The following ZW10 variants were observed in gnomAD, a reference collection of about 807,000 sequenced individuals.
The protein encoded by ZW10 is centromere/kinetochore protein zw10 homolog.
Under a neutral mutation model 87.8 loss-of-function variants are expected in ZW10, and 53 were observed. The observed-to-expected ratio is 0.60, with a 90% CI of 0.48 to 0.76. The LOEUF (loss-of-function observed/expected upper bound fraction) is 0.76, where lower values mean the gene tolerates loss of function less well. Among genes scored for constraint, ZW10 ranks in the 30% least tolerant of loss-of-function variants. The pLI, the probability that ZW10 is intolerant of heterozygous loss-of-function variation, is 0.00. For missense variants in ZW10, 837 were observed against 923.0 expected (o/e 0.91, Z 1.21); for synonymous variants, 312 against 329.2 (o/e 0.95, Z 0.57).
intron 9 of ZW10, 126 bp from the exon 10 acceptor site, chr11:113,744,166 T>A (rs1176046375): frequency 1.4e-6 from 1 of 699,714 alleles, no homozygotes; most frequent in Admixed American, 2.7e-5. Context: ...GGCGGGCAGA[T>A]CACGAGGTCA....
intron 7 of ZW10, among the ~76,000 whole-genome samples, chr11:113,749,036 C>T (rs1488206615): frequency 6.6e-6 from 1 of 152,058 alleles, no homozygotes; most frequent in African/African-American, 2.4e-5. Context: ...AGTTCTGATT[C>T]ACAAAGGAAG....
chr11:113,773,472 C>T (rs1232987772), intron 1 of ZW10, 90 bp downstream of exon 1: 1 of 1,108,452 alleles, frequency 9.0e-7, no homozygotes, highest in Non-Finnish European at 1.3e-6. Flanking sequence ...CCCACTCTGT[C>T]TGCCCTTAGC....
At chr11:113,768,659 T>C (rs924034797) in intron 2 of ZW10, among the ~76,000 whole-genome samples, 174 bp downstream of exon 2, 3 of 152,198 alleles carry the variant, frequency 2.0e-5, no homozygotes, top group Non-Finnish European at 4.4e-5. Flanking sequence ...AATTGCACTT[T>C]TGGAAATACT....
chr11:113,748,297 G>C lies in ZW10; in HGVS notation c.1049C>G (p.Ser350Trp). ...TAATTTGCTGCTATTTGTTGGAATC[G>C]AATAAACCAAACAGTTTTTGATGAG... is the stretch of plus-strand genomic sequence containing the variant. ...ECLIKNCLVY[S>W]IPTNSSKLQQ... The change falls in exon 8 of 16, where the codon TCG becomes TGG. Residue 350 changes from serine (S) to tryptophan (W), a missense_variant. Ser to Trp is a radical substitution (Grantham distance 177). Transcript: ENST00000200135. 3 of 1,613,060 alleles carry C rather than the reference G, an allele frequency of 1.9e-6. No individual in the cohort carries two copies. Among genetic ancestry groups the C allele is most frequent in the Non-Finnish European group, 2.5e-6 (3 of 1,179,656 alleles).
At chr11:113,756,203 A>T (rs1359824695) in intron 7 of ZW10, among the ~76,000 whole-genome samples, 1 of 152,214 alleles carries the variant, frequency 6.6e-6, no homozygotes, top group East Asian at 1.9e-4. Flanking sequence ...AAATGCACAG[A>T]GAAAAAGCCA....
chr11:113,744,381 C>T (rs925541319), intron 9 of ZW10, among the ~76,000 whole-genome samples: 9 of 151,752 alleles, frequency 5.9e-5, no homozygotes, highest in Middle Eastern at 3.4e-3. Flanking sequence ...CCAGCCTGGG[C>T]GACAGAGCAC....
At chr11:113,738,081 T>G (rs1591408772) in intron 13 of ZW10, among the ~76,000 whole-genome samples, 183 bp downstream of exon 13, 1 of 150,486 alleles carries the variant, frequency 6.6e-6, no homozygotes, top group Non-Finnish European at 1.5e-5. Context: ...GTTGTCTTGG[T>G]GGGAGAGGGG....
intron 10 of ZW10, among the ~76,000 whole-genome samples, chr11:113,742,622 T>C (rs1953633263): frequency 6.6e-6 from 1 of 152,194 alleles, no homozygotes; most frequent in South Asian, 2.1e-4. Flanking sequence ...AGTATACAAA[T>C]ACTGTTTGGT....
chr11:113,759,471 G>A lies in ZW10; in HGVS notation c.580+738C>T, dbSNP rs190516419. Among the ~76,000 whole-genome samples, 7 of 152,230 alleles carry A rather than the reference G, an allele frequency of 4.6e-5. No individual in the cohort carries two copies. The South Asian group carries it at 1.5e-3, about 32-fold the overall frequency. On this transcript the variant is annotated intron_variant, in intron 5 of 15. Transcript: ENST00000200135. ...CAAAGTGGATATAGGAAAGGGAACA[G>A]GGGGAGAAAGTTTCTCTTGAAATAC...
chr11:113,758,268 C>A (rs17541654), intron 6 of ZW10, among the ~76,000 whole-genome samples: 9,102 of 151,624 alleles, frequency 0.06, 296 homozygotes, highest in Middle Eastern at 0.078. Flanking sequence ...ACATTACACA[C>A]CAACCATTAT....
intron 3 of ZW10, 71 bp from the exon 4 acceptor site, chr11:113,760,661 T>G (rs958116834): frequency 2.2e-6 from 3 of 1,337,536 alleles, no homozygotes; most frequent in African/African-American, 3.0e-5. Context: ...CATTAAGAAA[T>G]GCTCCCACTT....
intron 1 of ZW10, chr11:113,771,571 C>T (rs533355287): frequency 6.6e-5 from 10 of 152,282 alleles, no homozygotes; most frequent in African/African-American, 2.4e-4. Context: ...GAGAGAACAC[C>T]TGTTTAGTGT....
intron 7 of ZW10, 24 bp downstream of exon 7, chr11:113,757,638 A>G (rs1299279774): frequency 7.2e-7 from 1 of 1,386,148 alleles, no homozygotes; most frequent in East Asian, 2.6e-5. Context: ...CAAAATATAA[A>G]AGCACTGCCT....
chr11:113,768,858 A>T lies in ZW10; in HGVS notation c.215T>A (p.Leu72Gln). Residue 72 changes from leucine to glutamine, a missense_variant, in exon 2 of 16, where the codon CTG becomes CAG. Leu to Gln is a moderately radical substitution (Grantham distance 113, BLOSUM62 -2). Coordinates refer to ENST00000200135, the MANE Select transcript of ZW10 (RefSeq NM_004724.4). The part of the protein sequence containing the change: ...QVDKLSEDID[L>Q]LKSRIESEVR... ...CTCACTCTCTATCCTGGATTTCAGC[A>T]GGTCAATGTCTTCAGATAGCTTATC... The T allele has an allele frequency of 6.2e-7, 1 of 1,614,202 alleles. No homozygotes were observed. Among genetic ancestry groups the T allele is most frequent in the Non-Finnish European group, 8.5e-7 (1 of 1,180,032 alleles).
rs1282002732 is a variant in ZW10 at position 113,744,037 on chromosome 11, T to A, written c.1276A>T (p.Ile426Phe). ...GGCACATTTATCTTAGAATCAGGAA[T>A]AATCTAAGATTCAAACACAAAAATA... ...TSEIHNTVKI[I>F]PDSKINVPEL... is the part of the protein sequence containing the mutation. Residue 426 changes from isoleucine to phenylalanine, a missense_variant, in exon 10 of 16, where the codon ATT (isoleucine) becomes TTT (phenylalanine). Physicochemically the swap from Ile to Phe is conservative, Grantham distance 21. Transcript: ENST00000200135. 2 of 1,596,906 alleles carry A rather than the reference T, an allele frequency of 1.3e-6. No homozygotes were observed. Among genetic ancestry groups the A allele is most frequent in the Admixed American group, 1.7e-5 (1 of 59,734 alleles).
chr11:113,752,932 C>T (rs1169919861), intron 7 of ZW10, among the ~76,000 whole-genome samples: 1 of 152,168 alleles, frequency 6.6e-6, no homozygotes, highest in East Asian at 1.9e-4. Flanking sequence ...AGGCCTCTTG[C>T]ACCAGTTAGC....
At chr11:113,735,149 A>G (rs1953535445) in intron 15 of ZW10, among the ~76,000 whole-genome samples, 1 of 152,164 alleles carries the variant, frequency 6.6e-6, no homozygotes, top group African/African-American at 2.4e-5. Flanking sequence ...CTTCATATGT[A>G]TATTTTACAA....
At chr11:113,761,006 G>T in intron 2 of ZW10, 88 bp from the exon 3 acceptor site, 1 of 944,686 alleles carries the variant, frequency 1.1e-6, no homozygotes, top group Non-Finnish European at 1.6e-6. Flanking sequence ...GCTTTACTAG[G>T]TCAACATAAT....
In ZW10 at chr11:113,739,330, T is replaced by C. The variant is rs1184931378; in HGVS notation, c.1636A>G (p.Met546Val). Residue 546 changes from methionine to valine, a missense_variant, in exon 12 of 16, where the codon ATG becomes GTG. Physicochemically the swap from Met to Val is conservative, Grantham distance 21. Coordinates refer to ENST00000200135, the MANE Select transcript of ZW10 (RefSeq NM_004724.4). The stretch of plus-strand genomic sequence containing the variant: ...GTCAGCAAGTGGTGAGCAATGTACA[T>C]ACAGTTGTTGTGATGAATAGCAGCC... The part of the protein sequence containing the change: ...QLAAIHHNNC[M>V]YIAHHLLTLG... The C allele has an allele frequency of 4.3e-6, 7 of 1,611,454 alleles. No individual in the cohort carries two copies. In the South Asian group the frequency reaches 5.5e-5, roughly 13 times the overall value.
Sources: gnomAD v4.1 joint callset for allele counts (sites outside exome capture counted in the v4.1 genomes callset) on GRCh38, gnomAD v4.1.1 for gene constraint, MANE v1.5 for transcripts, NCBI Gene and HGNC (gene_info 2026-07-23, HGNC 2026-07-21) for gene names.